Variants in EPHB6 observed in about 807,000 individuals in gnomAD.
EPHB6 encodes EPH receptor B6, also known as ephrin type-B receptor 6.
A neutral mutation model predicts 107.0 loss-of-function variants in EPHB6; 51 were observed. The observed-to-expected ratio is 0.48, with a 90% CI of 0.38 to 0.60. The LOEUF (loss-of-function observed/expected upper bound fraction) is 0.60, where lower values mean the gene tolerates loss of function less well. Ranked by LOEUF, EPHB6 falls within the 20% of genes least tolerant of loss-of-function variation. The pLI is 0.00. For missense variants in EPHB6, 1,141 were observed against 1,355.5 expected, an observed-to-expected ratio of 0.84 and a Z score of 2.48; for synonymous variants, 553 against 549.0, an observed-to-expected ratio of 1.01 and a Z score of -0.10.
In EPHB6 at chr7:142,865,928, C is replaced by T. The variant is rs200598787; in HGVS notation, c.1106-32C>T. ...ATCACCCCCACTGCTGCCCTCTTGG[C>T]CCTTGGACTGCCATATCCTCCGGCC... On this transcript the variant is annotated intron_variant, in intron 8 of 19. Transcript: ENST00000652003. The T allele has an allele frequency of 2.4e-5, 39 of 1,606,830 alleles. No individual in the cohort carries two copies. In the East Asian group the frequency reaches 8.3e-4, roughly 34 times the overall value.
In EPHB6 at chr7:142,871,033, C is replaced by A; in HGVS notation, c.*129C>A. 2.3e-6 allele frequency: 2 copies of A among 865,114 alleles called. No homozygotes were observed. Among genetic ancestry groups the A allele is most frequent in the Non-Finnish European group, 3.7e-6 (2 of 536,452 alleles). 53.6% of individuals were successfully genotyped at this position (865,114 alleles called of 1,614,324 possible). On this transcript the variant is annotated 3_prime_UTR_variant, in exon 20 of 20. Transcript: ENST00000652003. ...ACCCAACCCTCCCGATGGCTGCATT[C>A]CCTGGTCCTCCGCCTCTCCACCAGC...
At position 142,867,206 on chromosome 7, in the gene EPHB6, G is replaced by C; in HGVS notation, c.1750+138G>C. 4 of 1,114,512 alleles carry C rather than the reference G, an allele frequency of 3.6e-6. No individual in the cohort carries two copies. The South Asian group carries it at 4.6e-5, about 13-fold the overall frequency. The allele number at this position is 1,114,512 out of a possible 1,614,324, so 69.0% of individuals were successfully genotyped here. On this transcript the variant is annotated intron_variant, in intron 11 of 19. Transcript: ENST00000652003. This position sits in a 1 kb window ranked among gnomAD's most constrained non-coding sequence, Gnocchi z 5.3. ...TCTGTGGGAAAGGAGAGTGCCTTTTGCTCAGCAGCTGACCTAGGGGCTACT... is the reference window on the plus strand; with the variant it reads ...TCTGTGGGAAAGGAGAGTGCCTTTTCCTCAGCAGCTGACCTAGGGGCTACT...
At chr7:142,856,258 C>T (rs905595234) in intron 1 of EPHB6, among the ~76,000 whole-genome samples, 10 of 152,180 alleles carry the variant, frequency 6.6e-5, no homozygotes, top group Non-Finnish European at 1.3e-4. Context: ...GTTAGTAGAC[C>T]ACAGAAGCTG....
intron 1 of EPHB6, among the ~76,000 whole-genome samples, chr7:142,859,917 G>A (rs1802769740): frequency 6.6e-6 from 1 of 152,158 alleles, no homozygotes; most frequent in African/African-American, 2.4e-5. Flanking sequence ...GGATCTTCTG[G>A]AGGGAGGCCA....
At position 142,868,954 on chromosome 7, in the gene EPHB6, C is replaced by T. The variant is rs1299524609; in HGVS notation, c.2287-20C>T. The T allele has an allele frequency of 1.2e-6, 2 of 1,604,428 alleles. No individual in the cohort carries two copies. The highest frequency in any genetic ancestry group is 1.7e-6 in the Non-Finnish European group (2 of 1,179,006). On this transcript the variant is annotated intron_variant, in intron 15 of 19. Transcript: ENST00000652003. This position sits in a 1 kb window ranked among gnomAD's most constrained non-coding sequence, Gnocchi z 4.2. ...CCTGTCTCCGATCACTGACCTCTGC[C>T]CCCTGCCCCTTCCCCTCAGCAGCGG...
chr7:142,867,661 C>G lies in EPHB6; in HGVS notation c.1804C>G (p.Leu602Val), dbSNP rs1164459606. Residue 602 changes from leucine (L) to valine (V), a missense_variant, in exon 12 of 20, where the codon CTG (leucine) becomes GTG (valine). By Grantham distance (32) the Leu-to-Val change is conservative (BLOSUM62 1). This residue lies in a region of EPHB6 where 616 missense variants were observed against 759.3 expected (regional missense o/e 0.81). Transcript: ENST00000652003. This position sits in a 1 kb window ranked among gnomAD's most constrained non-coding sequence, Gnocchi z 5.3. Reference sequence around the variant, plus strand: ...ACTCTCCTTGGTGATCGGCTCCATCCTGGGGGCTTTGGCCTTCCTCCTGCT... The same window carrying G: ...ACTCTCCTTGGTGATCGGCTCCATCGTGGGGGCTTTGGCCTTCCTCCTGCT... ...ERLSLVIGSI[L>V]GALAFLLLAA... 6.2e-7 allele frequency: 1 copy of G among 1,613,676 alleles called. No homozygotes were observed. The highest frequency in any genetic ancestry group is 8.5e-7 in the Non-Finnish European group (1 of 1,179,962).
chr7:142,855,309 T>G lies in EPHB6; in HGVS notation c.-508T>G, dbSNP rs918135904. On this transcript the variant is annotated 5_prime_UTR_variant, in exon 1 of 20. Coordinates refer to ENST00000652003, the MANE Select transcript of EPHB6 (RefSeq NM_004445.6). This position sits in a 1 kb window ranked among gnomAD's most constrained non-coding sequence, Gnocchi z 4.2. ...ACTGGAGAAGACGCGGGTGGCACCG[T>G]GCGAGCTCCAGGAGCCCCGGGTCCA... is the stretch of plus-strand genomic sequence containing the variant. 6.6e-6 allele frequency: 1 copy of G among 151,950 alleles called. No homozygotes were observed. Among genetic ancestry groups the G allele is most frequent in the Admixed American group, 6.6e-5 (1 of 15,266 alleles). 9.4% of individuals were successfully genotyped at this position (151,950 alleles called of 1,614,324 possible). A position where few individuals can be genotyped will look rare whatever the true frequency, so the allele number is the denominator to read the frequency against.
Position 142,864,729 on chromosome 7 carries a change from G to A in EPHB6, c.929G>A (p.Arg310Gln), listed in dbSNP as rs55728646. The A allele has an allele frequency of 2.1e-4, 343 of 1,612,884 alleles. 1 individual carries two copies. The African/African-American group carries it at 2.9e-3, about 14-fold the overall frequency. The change falls in exon 7 of 20, where the codon CGA (arginine) becomes CAA (glutamine). Residue 310 changes from arginine to glutamine, a missense_variant. Physicochemically the swap from Arg to Gln is conservative, Grantham distance 43. Around this residue, in one of 3 missense-constraint regions of EPHB6, gnomAD observed 304 missense variants for 295.7 expected, o/e 1.03. Transcript: ENST00000652003. ...TGCCAGCCTGGATACCAACCAGCACGAGGAGACAAGGCCTGCCAAGGTGAG... is the reference window on the plus strand; with the variant it reads ...TGCCAGCCTGGATACCAACCAGCACAAGGAGACAAGGCCTGCCAAGGTGAG... ...CRCQPGYQPA[R>Q]GDKACQACPR...
At position 142,865,364 on chromosome 7, in the gene EPHB6, A is replaced by C. The variant is rs978819374; in HGVS notation, c.950-111A>C. 9 of 1,412,998 alleles carry C rather than the reference A, an allele frequency of 6.4e-6. No individual in the cohort carries two copies. In the Admixed American group the frequency reaches 1.4e-4, roughly 22 times the overall value. 87.5% of individuals were successfully genotyped at this position (1,412,998 alleles called of 1,614,324 possible). A position where few individuals can be genotyped will look rare whatever the true frequency, so the allele number is the denominator to read the frequency against. On this transcript the variant is annotated intron_variant, in intron 7 of 19. Coordinates refer to ENST00000652003, the MANE Select transcript of EPHB6 (RefSeq NM_004445.6). ...GGTTCAGTCTTGGAAGAAAAGGAGA[A>C]CCAGCTCTGGGGAAGAGAAGGCTGC...
At chr7:142,857,141 T>C (rs8177115) in intron 1 of EPHB6, among the ~76,000 whole-genome samples, 4,529 of 152,320 alleles carry the variant, frequency 0.03, 243 homozygotes, top group African/African-American at 0.1. Context: ...AGACACTGCC[T>C]GCATCTTAAA....
chr7:142,867,029 C>T lies in EPHB6; in HGVS notation c.1711C>T (p.Pro571Ser). The T allele has an allele frequency of 6.2e-6, 10 of 1,614,028 alleles. No homozygotes were observed. Among genetic ancestry groups the T allele is most frequent in the Non-Finnish European group, 8.5e-6 (10 of 1,180,006 alleles). Residue 571 changes from proline (P) to serine (S), a missense_variant, in exon 11 of 20, where the codon CCC (proline) becomes TCC (serine). Pro to Ser is a moderately conservative substitution (Grantham distance 74). Around this residue, in one of 3 missense-constraint regions of EPHB6, gnomAD observed 616 missense variants for 759.3 expected, o/e 0.81. Transcript: ENST00000652003. The surrounding 1 kb of genome is among the most constrained non-coding windows in gnomAD (Gnocchi z 5.3). ...GGCCCGGACTGCTGCCGGCCACGGC[C>T]CCTACGGGGGCAAAGTCTATTTCCA... ...VRARTAAGHG[P>S]YGGKVYFQTL... is the part of the protein sequence containing the mutation.
At chr7:142,863,061 C>T in intron 4 of EPHB6, 66 bp from the exon 5 acceptor site, 1 of 624,396 alleles carries the variant, frequency 1.6e-6, no homozygotes, top group Non-Finnish European at 2.8e-6. Flanking sequence ...GCTTTTGGAG[C>T]TTGGGCTGTA....
At position 142,866,720 on chromosome 7, in the gene EPHB6, G is replaced by T. The variant is rs931328032; in HGVS notation, c.1587+115G>T. Reference sequence around the variant, plus strand: ...GGAATGAGGGGTCCGCAACAGGGCTGGCAGGAGCTCACAGTCCCCACAGTA... The same window carrying T: ...GGAATGAGGGGTCCGCAACAGGGCTTGCAGGAGCTCACAGTCCCCACAGTA... On this transcript the variant is annotated intron_variant, in intron 10 of 19. Transcript: ENST00000652003. This position sits in a 1 kb window ranked among gnomAD's most constrained non-coding sequence, Gnocchi z 5.2. 1.9e-5 allele frequency: 30 copies of T among 1,597,412 alleles called. No individual in the cohort carries two copies. The Admixed American group carries it at 5.0e-4, about 27-fold the overall frequency.
chr7:142,867,495 G>T lies in EPHB6; in HGVS notation c.1751-113G>T. On this transcript the variant is annotated intron_variant, in intron 11 of 19. Coordinates refer to ENST00000652003, the MANE Select transcript of EPHB6 (RefSeq NM_004445.6). The surrounding 1 kb of genome is among the most constrained non-coding windows in gnomAD (Gnocchi z 5.3). ...CCTGTGCATGGATGTGGGAGGTTTG[G>T]GGCATGCGCGTGCATGTTGTGTGTG... The T allele has an allele frequency of 2.3e-6, 2 of 863,410 alleles. No homozygotes were observed. The highest frequency in any genetic ancestry group is 3.8e-6 in the Non-Finnish European group (2 of 529,850). The allele number at this position is 863,410 out of a possible 1,614,324, so 53.5% of individuals were successfully genotyped here. A position where few individuals can be genotyped will look rare whatever the true frequency, so the allele number is the denominator to read the frequency against.
chr7:142,867,593 CG>C lies in EPHB6; in HGVS notation c.1751-13del, dbSNP rs1563344928. 6.2e-7 allele frequency: 1 copy of C among 1,602,782 alleles called. No homozygotes were observed. The highest frequency in any genetic ancestry group is 2.2e-5 in the East Asian group (1 of 44,714). On this transcript the variant is annotated splice_polypyrimidine_tract_variant and intron_variant, in intron 11 of 19. Transcript: ENST00000652003. This position sits in a 1 kb window ranked among gnomAD's most constrained non-coding sequence, Gnocchi z 5.3. ...AGACCTGGCCCACCTGTGACCCTGT[CG>C]GCTGGTCCCCCAGGGGAGCTGTCTT...
chr7:142,866,068 A>G lies in EPHB6; in HGVS notation c.1214A>G (p.Asn405Ser), dbSNP rs1803153109. 2 of 1,611,682 alleles carry G rather than the reference A, an allele frequency of 1.2e-6. No homozygotes were observed. Among genetic ancestry groups the G allele is most frequent in the Non-Finnish European group, 1.7e-6 (2 of 1,178,948 alleles). The change falls in exon 9 of 20, where the codon AAT becomes AGT. Residue 405 changes from asparagine (N) to serine (S), a missense_variant. Coordinates refer to ENST00000652003, the MANE Select transcript of EPHB6 (RefSeq NM_004445.6). This position sits in a 1 kb window ranked among gnomAD's most constrained non-coding sequence, Gnocchi z 5.2. ...ELGGRGDLLF[N>S]VVCKECEGRQ... ...GGGGGTCGAGGGGACCTGCTCTTCA[A>G]TGTCGTGTGCAAGGAGTGTGAAGGC...
Position 142,864,299 on chromosome 7 carries a change from TC to T in EPHB6, c.501del (p.Ser168ProfsTer28), listed in dbSNP as rs1803014762. On this transcript the variant is annotated frameshift_variant, in exon 7 of 20. Coordinates refer to ENST00000652003, the MANE Select transcript of EPHB6 (RefSeq NM_004445.6). LOFTEE classifies it high-confidence loss of function. ...TGCAGCAGACGAGAGCTTTCCCTCCTCCTCCTCCTCCTCCTCCTCCTCTTCT... is the reference window on the plus strand; with the variant it reads ...TGCAGCAGACGAGAGCTTTCCCTCCTCTCCTCCTCCTCCTCCTCCTCTTCT... ...TIAADESFPS[S>X]SSSSSSSSSS... 963 of 1,006,796 alleles carry T rather than the reference TC, an allele frequency of 9.6e-4. 6 individuals are homozygous for T. The highest frequency in any genetic ancestry group is 4.0e-3 in the Middle Eastern group (18 of 4,446). 62.4% of individuals were successfully genotyped at this position (1,006,796 alleles called of 1,614,324 possible). A position where few individuals can be genotyped will look rare whatever the true frequency, so the allele number is the denominator to read the frequency against.
At chr7:142,857,541 C>T (rs1312897654) in intron 1 of EPHB6, among the ~76,000 whole-genome samples, 1 of 152,224 alleles carries the variant, frequency 6.6e-6, no homozygotes, top group East Asian at 1.9e-4. Context: ...ACTGACCCCT[C>T]CCACACTGAC....
Position 142,863,322 on chromosome 7 carries a change from TGGAAGGTAAGA to T in EPHB6, c.98_100+8del. 1 of 1,613,566 alleles carries T rather than the reference TGGAAGGTAAGA, an allele frequency of 6.2e-7. No individual in the cohort carries two copies. The highest frequency in any genetic ancestry group is 8.5e-7 in the Non-Finnish European group (1 of 1,179,822). On this transcript the variant is annotated splice_donor_variant and splice_donor_5th_base_variant and coding_sequence_variant and intron_variant, in exon 5 of 20. Transcript: ENST00000652003. LOFTEE classifies it high-confidence loss of function. ...CTCCTGGTGTCTTCAGTTCTGGCTCTGGAAGGTAAGAGGGAGGGGAGACAGGAGAACCCAGA... is the reference window on the plus strand; with the variant it reads ...CTCCTGGTGTCTTCAGTTCTGGCTCTGGGAGGGGAGACAGGAGAACCCAGA...
Sources: gnomAD v4.1 joint callset for allele counts (sites outside exome capture counted in the v4.1 genomes callset) on GRCh38, gnomAD v4.1.1 for gene constraint, gnomAD v4.1.1 regional missense constraint, Gnocchi (gnomAD v3.1) non-coding constraint, MANE v1.5 for transcripts, NCBI Gene and HGNC (gene_info 2026-07-23, HGNC 2026-07-21) for gene names.